Variants in CARMIL1 observed in about 807,000 individuals in gnomAD.
CARMIL1 encodes the protein F-actin-uncapping protein LRRC16A.
CARMIL1 carries 90 observed loss-of-function variants against 177.1 expected under a neutral mutation model. The observed-to-expected ratio is 0.51, with a 90% confidence interval of 0.43 to 0.61. CARMIL1 has a LOEUF of 0.61. Among genes scored for constraint, CARMIL1 ranks in the 20% least tolerant of loss-of-function variants. CARMIL1 has a pLI of 0.00. For missense variants in CARMIL1, 1,380 were observed against 1,667.0 expected, an observed-to-expected ratio of 0.83 and a Z score of 3.00; for synonymous variants, 577 against 606.2, an observed-to-expected ratio of 0.95 and a Z score of 0.71.
At chr6:25,449,235 C>A (rs1027846485) in intron 5 of CARMIL1, among the ~76,000 whole-genome samples, 1 of 152,082 alleles carries the variant, frequency 6.6e-6, no homozygotes, top group East Asian at 1.9e-4. Context: ...TCACAATAAC[C>A]CTATGGGATA....
chr6:25,481,689 T>G (rs796164554), intron 11 of CARMIL1, among the ~76,000 whole-genome samples: 35 of 152,364 alleles, frequency 2.3e-4, no homozygotes, highest in African/African-American at 6.3e-4. Context: ...AGATATCTGA[T>G]TTTAAATACC....
At chr6:25,491,895 T>G (rs1803274348) in intron 14 of CARMIL1, 53 bp from the exon 15 acceptor site, 2 of 1,580,392 alleles carry the variant, frequency 1.3e-6, no homozygotes, top group Admixed American at 1.7e-5. Flanking sequence ...TAATAAAAGA[T>G]TCTCCTGGAC....
intron 2 of CARMIL1, among the ~76,000 whole-genome samples, chr6:25,319,342 ATAT>A (rs1450536340): frequency 6.6e-6 from 1 of 151,944 alleles, no homozygotes; most frequent in Non-Finnish European, 1.5e-5. Context: ...ATAATATTTA[ATAT>A]TAATATTTAA....
At chr6:25,526,194 T>TGC (rs1807105514) in intron 23 of CARMIL1, among the ~76,000 whole-genome samples, 1 of 138,538 alleles carries the variant, frequency 7.2e-6, no homozygotes, top group Non-Finnish European at 1.6e-5. Context: ...AATAAATAAA[T>TGC]AAGCCAGGCG....
At position 25,420,286 on chromosome 6, in the gene CARMIL1, C is replaced by T. The variant is rs142089862; in HGVS notation, c.189+122C>T. The T allele has an allele frequency of 5.2e-4, 462 of 881,166 alleles. 5 individuals carry two copies. In the East Asian group the frequency reaches 0.011, roughly 21 times the overall value. 54.6% of individuals were successfully genotyped at this position (881,166 alleles called of 1,614,324 possible). ...CCTTCATATACTGCAACACAACACA[C>T]ACACACCTCACTTACATAGACTTTT... On this transcript the variant is annotated intron_variant, in intron 3 of 36. Transcript: ENST00000329474.
chr6:25,609,017 A>T (rs1232389072), intron 35 of CARMIL1, among the ~76,000 whole-genome samples: 1 of 152,186 alleles, frequency 6.6e-6, no homozygotes, highest in African/African-American at 2.4e-5. Flanking sequence ...AAGCAAAACA[A>T]TCTTGTAATG....
chr6:25,525,490 T>C (rs1807006153), intron 23 of CARMIL1, among the ~76,000 whole-genome samples: 1 of 152,170 alleles, frequency 6.6e-6, no homozygotes, highest in Non-Finnish European at 1.5e-5. Flanking sequence ...TGTTAAAAAG[T>C]TCTTCAGGGA....
chr6:25,490,733 AT>A (rs1803129006), intron 13 of CARMIL1, among the ~76,000 whole-genome samples: 2 of 134,602 alleles, frequency 1.5e-5, no homozygotes, highest in South Asian at 2.4e-4. Flanking sequence ...AAATAAATAA[AT>A]AAATAAATAA....
At chr6:25,375,352 T>G (rs564154055) in intron 2 of CARMIL1, among the ~76,000 whole-genome samples, 28 of 152,228 alleles carry the variant, frequency 1.8e-4, no homozygotes, top group Non-Finnish European at 3.7e-4. Context: ...TGCGGAGAAG[T>G]CTGCTGTTAG....
intron 2 of CARMIL1, among the ~76,000 whole-genome samples, chr6:25,330,429 G>A (rs1785509112): frequency 6.6e-6 from 1 of 152,198 alleles, no homozygotes; most frequent in Non-Finnish European, 1.5e-5. Context: ...AAGAAGGGGA[G>A]AGATGATCAG....
At chr6:25,610,023 T>C in intron 35 of CARMIL1, 27 bp from the exon 36 acceptor site, 1 of 1,607,260 alleles carries the variant, frequency 6.2e-7, no homozygotes, top group Non-Finnish European at 8.5e-7. Context: ...GTGGAACAGT[T>C]TGATTCACGT....
intron 15 of CARMIL1, among the ~76,000 whole-genome samples, chr6:25,492,498 T>G (rs1803342486): frequency 6.6e-6 from 1 of 152,164 alleles, no homozygotes; most frequent in Non-Finnish European, 1.5e-5. Flanking sequence ...GGCAGTAGAT[T>G]AGAAGCATCA....
rs138680431 is a variant in CARMIL1 at position 25,551,651 on chromosome 6, T to A, written c.2504+566T>A. Among the ~76,000 whole-genome samples, 1,052 of 152,334 alleles carry A rather than the reference T, an allele frequency of 6.9e-3. 8 individuals are homozygous for A. Among genetic ancestry groups the A allele is most frequent in the African/African-American group, 0.021 (855 of 41,576 alleles). On this transcript the variant is annotated intron_variant, in intron 27 of 36. Transcript: ENST00000329474. ...TTAGAAGCCGTGATTACTGGCAAAC[T>A]TTTCTGAATTTTTATGTAGAGACTC...
At chr6:25,610,250 A>G in intron 36 of CARMIL1, 69 bp downstream of exon 36, 2 of 1,511,072 alleles carry the variant, frequency 1.3e-6, no homozygotes, top group Non-Finnish European at 1.8e-6. Context: ...AAAATAAAGG[A>G]ACTCATCCTG....
intron 2 of CARMIL1, among the ~76,000 whole-genome samples, chr6:25,409,797 G>A (rs1562099512): frequency 6.6e-6 from 1 of 152,116 alleles, no homozygotes; most frequent in Non-Finnish European, 1.5e-5. Flanking sequence ...TAATGCTCAT[G>A]TTTTCTACTT....
chr6:25,380,593 TA>T (rs1791427936), intron 2 of CARMIL1, among the ~76,000 whole-genome samples: 2 of 152,214 alleles, frequency 1.3e-5, no homozygotes, highest in South Asian at 4.1e-4. Context: ...AAAAAAAACT[TA>T]TACCTCCTAT....
intron 13 of CARMIL1, among the ~76,000 whole-genome samples, chr6:25,489,122 A>G (rs1248972795): frequency 6.6e-6 from 1 of 152,118 alleles, no homozygotes; most frequent in Non-Finnish European, 1.5e-5. Flanking sequence ...CCGAGATTAC[A>G]CCACTGCACT....
At chr6:25,516,473 T>C (rs1806011391) in intron 21 of CARMIL1, among the ~76,000 whole-genome samples, 1 of 152,176 alleles carries the variant, frequency 6.6e-6, no homozygotes, top group South Asian at 2.1e-4. Context: ...TTAATTCACA[T>C]TGCTCCTCAA....
intron 4 of CARMIL1, among the ~76,000 whole-genome samples, chr6:25,434,015 C>T (rs12195837): frequency 0.095 from 14,429 of 152,094 alleles, 730 homozygotes; most frequent in African/African-American, 0.12. Context: ...AGGAAGTAAA[C>T]GTGTGCAGAT....
Sources: gnomAD v4.1 joint callset for allele counts (sites outside exome capture counted in the v4.1 genomes callset) on GRCh38, gnomAD v4.1.1 for gene constraint, MANE v1.5 for transcripts, NCBI Gene and HGNC (gene_info 2026-07-23, HGNC 2026-07-21) for gene names.